The following BMERB1 variants were observed in gnomAD, a reference collection of about 807,000 sequenced individuals.
BMERB1 encodes bMERB domain containing 1.
A neutral mutation model predicts 23.6 loss-of-function variants in BMERB1; 12 were observed. That is an observed-to-expected ratio of 0.51 (90% CI 0.33 to 0.82). BMERB1 has a LOEUF of 0.82. Among genes scored for constraint, BMERB1 ranks in the 40% least tolerant of loss-of-function variants. The pLI, the probability that BMERB1 is intolerant of heterozygous loss-of-function variation, is 0.03. For missense variants in BMERB1, 247 were observed against 255.4 expected, an observed-to-expected ratio of 0.97 and a Z score of 0.22; for synonymous variants, 122 against 96.6, an observed-to-expected ratio of 1.26 and a Z score of -1.54.
At chr16:15,571,093 C>T (rs1214158875) in intron 3 of BMERB1, among the ~76,000 whole-genome samples, 3 of 151,410 alleles carry the variant, frequency 2.0e-5, no homozygotes, top group African/African-American at 7.4e-5. Context: ...ACTTAGAATG[C>T]CTAACCTCCT....
At chr16:15,438,383 G>C (rs550902403) in intron 1 of BMERB1, among the ~76,000 whole-genome samples, 14 of 152,000 alleles carry the variant, frequency 9.2e-5, no homozygotes, top group Middle Eastern at 3.4e-3. Context: ...CACCACACCT[G>C]GCGAAAGCTG....
chr16:15,579,146 A>C (rs1437043721), intron 3 of BMERB1, among the ~76,000 whole-genome samples: 2 of 152,162 alleles, frequency 1.3e-5, no homozygotes, highest in Admixed American at 6.5e-5. Flanking sequence ...TAAGATCTAG[A>C]GAGCAGTGGA....
chr16:15,569,232 G>A (rs896227377), intron 3 of BMERB1, among the ~76,000 whole-genome samples: 3 of 152,010 alleles, frequency 2.0e-5, no homozygotes, highest in African/African-American at 7.2e-5. Flanking sequence ...AAGAAAGAGA[G>A]AACTGAGTAA....
chr16:15,585,811 A>G (rs1376446433), intron 5 of BMERB1, among the ~76,000 whole-genome samples: 1 of 152,198 alleles, frequency 6.6e-6, no homozygotes, highest in African/African-American at 2.4e-5. Context: ...CCTGGGTGAC[A>G]GAGCGAGACT....
chr16:15,451,332 A>G (rs1027428878), intron 1 of BMERB1, among the ~76,000 whole-genome samples: 3 of 151,984 alleles, frequency 2.0e-5, no homozygotes, highest in African/African-American at 7.3e-5. Flanking sequence ...CTGGGACCAC[A>G]GGTGCATGCC....
intron 1 of BMERB1, among the ~76,000 whole-genome samples, chr16:15,451,967 G>GAATTT (rs1311040837): frequency 6.6e-6 from 1 of 151,672 alleles, no homozygotes; most frequent in Non-Finnish European, 1.5e-5. Flanking sequence ...AATGTATCTG[G>GAATTT]AAATCCTTCC....
chr16:15,442,587 A>G (rs1358415513), intron 1 of BMERB1, among the ~76,000 whole-genome samples: 1 of 152,172 alleles, frequency 6.6e-6, no homozygotes, highest in Non-Finnish European at 1.5e-5. Flanking sequence ...AATCATGCCT[A>G]TTCTTGGACT....
intron 1 of BMERB1, among the ~76,000 whole-genome samples, chr16:15,495,042 C>T (rs1484852841): frequency 2.6e-5 from 4 of 151,518 alleles, no homozygotes; most frequent in Non-Finnish European, 4.4e-5. Context: ...CGCCACCACC[C>T]CTGGCTAATT....
intron 2 of BMERB1, among the ~76,000 whole-genome samples, chr16:15,566,083 C>G (rs1189947327): frequency 6.6e-6 from 1 of 152,114 alleles, no homozygotes; most frequent in Non-Finnish European, 1.5e-5. Flanking sequence ...GAAAAGCCAG[C>G]CTTAGTAATC....
At position 15,587,098 on chromosome 16, in the gene BMERB1, G is replaced by T. The variant is rs2031167662; in HGVS notation, c.*269G>T. Reference sequence around the variant, plus strand: ...ACTGTTTATCCAAACACCAGGAAAGGTCCTCCCTCAAAAAAGCATATCTCC... The same window carrying T: ...ACTGTTTATCCAAACACCAGGAAAGTTCCTCCCTCAAAAAAGCATATCTCC... On this transcript the variant is annotated 3_prime_UTR_variant, in exon 6 of 6. Coordinates refer to ENST00000300006, the MANE Select transcript of BMERB1 (RefSeq NM_033201.3). 1 of 454,200 alleles carries T rather than the reference G, an allele frequency of 2.2e-6. No individual in the cohort carries two copies. The highest frequency in any genetic ancestry group is 3.9e-5 in the Admixed American group (1 of 25,456). 28.1% of individuals were successfully genotyped at this position (454,200 alleles called of 1,614,324 possible). A position where few individuals can be genotyped will look rare whatever the true frequency, so the allele number is the denominator to read the frequency against.
chr16:15,566,633 T>C (rs2030571954), intron 2 of BMERB1, among the ~76,000 whole-genome samples: 1 of 151,844 alleles, frequency 6.6e-6, no homozygotes, highest in South Asian at 2.1e-4. Flanking sequence ...ACCACTGCAC[T>C]CCAGCCTGGG....
chr16:15,466,427 A>C (rs1359138176), intron 1 of BMERB1, among the ~76,000 whole-genome samples: 1 of 148,082 alleles, frequency 6.8e-6, no homozygotes, highest in African/African-American at 2.5e-5. Flanking sequence ...TTTTTTTTCT[A>C]TTGTGTTGTC....
chr16:15,547,168 T>G (rs1406127817), intron 2 of BMERB1, among the ~76,000 whole-genome samples: 1 of 150,228 alleles, frequency 6.7e-6, no homozygotes, highest in Non-Finnish European at 1.5e-5. Context: ...TGCGCCACCA[T>G]GCCCAGCTAA....
intron 1 of BMERB1, among the ~76,000 whole-genome samples, chr16:15,469,175 G>A (rs1260601373): frequency 3.3e-5 from 5 of 151,648 alleles, no homozygotes; most frequent in African/African-American, 9.7e-5. Flanking sequence ...CATGCTGGCC[G>A]GGCTGGTCTT....
chr16:15,497,988 G>A (rs765356716), intron 1 of BMERB1, among the ~76,000 whole-genome samples: 97 of 152,246 alleles, frequency 6.4e-4, no homozygotes, highest in South Asian at 1.0e-3. Flanking sequence ...AGCACACTGT[G>A]CTCAATGTGT....
chr16:15,462,754 G>T (rs1282478591), intron 1 of BMERB1, among the ~76,000 whole-genome samples: 1 of 152,164 alleles, frequency 6.6e-6, no homozygotes, highest in Non-Finnish European at 1.5e-5. Context: ...GAAGCAATTG[G>T]AAAATGAGTA....
chr16:15,464,312 TAAAAAAA>T (rs528828210), intron 1 of BMERB1, among the ~76,000 whole-genome samples: 3 of 104,012 alleles, frequency 2.9e-5, no homozygotes, highest in Non-Finnish European at 3.9e-5. Flanking sequence ...GACTTCATCT[TAAAAAAA>T]AAAAAAAAAA....
chr16:15,446,258 T>C (rs1246861085), intron 1 of BMERB1, among the ~76,000 whole-genome samples: 2 of 151,866 alleles, frequency 1.3e-5, no homozygotes, highest in Non-Finnish European at 2.9e-5. Flanking sequence ...TGGCTGAGTG[T>C]GATGATGTGC....
intron 2 of BMERB1, among the ~76,000 whole-genome samples, chr16:15,515,981 A>C (rs757577662): frequency 6.6e-6 from 1 of 152,070 alleles, no homozygotes; most frequent in Non-Finnish European, 1.5e-5. Flanking sequence ...TTGGGCTCTG[A>C]GTGTGTGGTG....
Sources: gnomAD v4.1 joint callset for allele counts (sites outside exome capture counted in the v4.1 genomes callset) on GRCh38, gnomAD v4.1.1 for gene constraint, MANE v1.5 for transcripts, NCBI Gene and HGNC (gene_info 2026-07-23, HGNC 2026-07-21) for gene names.